The following PTDSS2 variants were observed in gnomAD, a reference collection of about 807,000 sequenced individuals.
The protein encoded by PTDSS2 is phosphatidylserine synthase 2.
PTDSS2 carries 41 observed loss-of-function variants against 64.7 expected under a neutral mutation model. The ratio of observed to expected loss-of-function variants is 0.63; its 90% CI spans 0.49 to 0.82. The LOEUF (loss-of-function observed/expected upper bound fraction) is 0.82. Among genes scored for constraint, PTDSS2 ranks in the 40% least tolerant of loss-of-function variants. PTDSS2 has a pLI of 0.00. For missense variants in PTDSS2, 485 were observed against 650.0 expected (o/e 0.75, Z 2.76); for synonymous variants, 297 against 277.8 (o/e 1.07, Z -0.69).
At chr11:477,761 C>T (rs891786553) in intron 3 of PTDSS2, among the ~76,000 whole-genome samples, 7 of 152,224 alleles carry the variant, frequency 4.6e-5, no homozygotes, top group East Asian at 1.9e-4. Flanking sequence ...CTTCAGTTGG[C>T]GAGCCCTTGT....
chr11:475,859 C>G (rs1203826761), intron 3 of PTDSS2, among the ~76,000 whole-genome samples: 1 of 152,138 alleles, frequency 6.6e-6, no homozygotes, highest in African/African-American at 2.4e-5. Flanking sequence ...TTTTAATAAA[C>G]TAGGCTGTGG....
intron 10 of PTDSS2, 32 bp downstream of exon 10, chr11:489,765 C>A (rs1411537551): frequency 1.3e-6 from 2 of 1,596,380 alleles, no homozygotes; most frequent in South Asian, 1.1e-5. Flanking sequence ...GTGGAGACAC[C>A]CCCGGGGGGC....
chr11:481,155 C>A (rs773187061), intron 4 of PTDSS2, among the ~76,000 whole-genome samples: 2 of 152,040 alleles, frequency 1.3e-5, no homozygotes, highest in African/African-American at 4.8e-5. Context: ...AGCCACCACG[C>A]GCGGCCTGGG....
chr11:466,779 C>T (rs1488274209), intron 2 of PTDSS2, among the ~76,000 whole-genome samples: 4 of 152,152 alleles, frequency 2.6e-5, no homozygotes, highest in African/African-American at 7.2e-5. Flanking sequence ...ATGGGGGAAC[C>T]GCCCCCATAA....
Position 464,065 on chromosome 11 carries a change from C to G in PTDSS2, c.284+3777C>G, listed in dbSNP as rs571022817. Among the ~76,000 whole-genome samples the G allele has an allele frequency of 6.8e-3, 1,033 of 151,892 alleles. 6 individuals carry two copies. The highest frequency in any genetic ancestry group is 0.012 in the Non-Finnish European group (802 of 67,966). On this transcript the variant is annotated intron_variant, in intron 2 of 11. Coordinates refer to ENST00000308020, the MANE Select transcript of PTDSS2 (RefSeq NM_030783.3). The stretch of plus-strand genomic sequence containing the variant: ...CAGTGGCGTGATGGCCCACTGCAAC[C>G]TTCACCTCCCAGGTTCAATCAGTTC...
upstream of PTDSS2, among the ~76,000 whole-genome samples, chr11:449,883 G>C (rs1000217948): frequency 6.6e-6 from 1 of 152,244 alleles, no homozygotes; most frequent in Admixed American, 6.5e-5. Flanking sequence ...GAGAGGCGGA[G>C]GTTGCAGTGA....
chr11:471,749 T>TGGCCTGGGGAGACGCGGATGGC lies in PTDSS2; in HGVS notation c.285-2137_285-2136insAGACGCGGATGGCGGCCTGGGG, dbSNP rs1564975221. Among the ~76,000 whole-genome samples, 424 of 92,452 alleles carry TGGCCTGGGGAGACGCGGATGGC rather than the reference T, an allele frequency of 4.6e-3. 11 individuals are homozygous for TGGCCTGGGGAGACGCGGATGGC. The highest frequency in any genetic ancestry group is 0.017 in the African/African-American group (407 of 23,470). The allele number at this position is 92,452 out of a possible 152,430, so 60.7% of individuals were successfully genotyped here. A position where few individuals can be genotyped will look rare whatever the true frequency, so the allele number is the denominator to read the frequency against. On this transcript the variant is annotated intron_variant, in intron 2 of 11. Transcript: ENST00000308020. ...TGGCGGCCTGGGGTGACGCAGATGG[T>TGGCCTGGGGAGACGCGGATGGC]GGCCTGGGGTGACGCGGATGGCGGC...
At position 468,981 on chromosome 11, in the gene PTDSS2, GTC is replaced by G. The variant is rs555992519; in HGVS notation, c.285-4910_285-4909del. Among the ~76,000 whole-genome samples the G allele has an allele frequency of 1.1e-3, 157 of 143,380 alleles. 1 individual carries two copies. The highest frequency in any genetic ancestry group is 7.5e-3 in the Middle Eastern group (2 of 268). The allele number at this position is 143,380 out of a possible 152,430, so 94.1% of individuals were successfully genotyped here. On this transcript the variant is annotated intron_variant, in intron 2 of 11. Transcript: ENST00000308020. The stretch of plus-strand genomic sequence containing the variant: ...GGTAATCGGAGGGAGGAGGAGGGGA[GTC>G]TCTGGGTAATCGGAAGGAGGAGGAG...
At chr11:453,819 A>T (rs948026784) in intron 1 of PTDSS2, among the ~76,000 whole-genome samples, 1 of 152,196 alleles carries the variant, frequency 6.6e-6, no homozygotes, top group South Asian at 2.1e-4. Context: ...TGGACATGAG[A>T]GTGACCATCT....
intron 3 of PTDSS2, among the ~76,000 whole-genome samples, chr11:478,518 G>A (rs1220087245): frequency 3.3e-5 from 5 of 151,922 alleles, no homozygotes; most frequent in East Asian, 1.9e-4. Context: ...AGGCTGAGGC[G>A]GGTGGACCAT....
At chr11:474,509 C>T (rs945921022) in intron 3 of PTDSS2, among the ~76,000 whole-genome samples, 1 of 152,128 alleles carries the variant, frequency 6.6e-6, no homozygotes, top group Non-Finnish European at 1.5e-5. Flanking sequence ...TGTGAGGTGC[C>T]GCCCACCCCC....
Position 490,051 on chromosome 11 carries a change from C to T in PTDSS2, c.1284C>T (p.Val428=), listed in dbSNP as rs760845086. Residue 428 remains valine, a synonymous_variant, in exon 11 of 12, where the codon GTC becomes GTT. Transcript: ENST00000308020. The part of the protein sequence containing the change: ...LGSVLALTWT[V]WRFFLRDITL... ...CCGTCCTGGCGCTCACCTGGACCGT[C>T]TGGCGCTTCTTCCTGCGGTGAGTCA... 11 of 1,608,454 alleles carry T rather than the reference C, an allele frequency of 6.8e-6. No homozygotes were observed. The South Asian group carries it at 1.2e-4, about 18-fold the overall frequency.
chr11:457,462 G>A (rs943187891), intron 1 of PTDSS2, among the ~76,000 whole-genome samples: 2 of 152,168 alleles, frequency 1.3e-5, no homozygotes, highest in African/African-American at 2.4e-5. Context: ...GGGATCTCAC[G>A]ATGTTCATGA....
chr11:460,627 C>T lies in PTDSS2; in HGVS notation c.284+339C>T, dbSNP rs1259019775. The T allele has an allele frequency of 4.3e-5, 10 of 233,894 alleles. No individual in the cohort carries two copies. Among genetic ancestry groups the T allele is most frequent in the Non-Finnish European group, 7.7e-5 (9 of 117,408 alleles). 14.5% of individuals were successfully genotyped at this position (233,894 alleles called of 1,614,324 possible). On this transcript the variant is annotated intron_variant, in intron 2 of 11. Coordinates refer to ENST00000308020, the MANE Select transcript of PTDSS2 (RefSeq NM_030783.3). This position sits in a 1 kb window ranked among gnomAD's most constrained non-coding sequence, Gnocchi z 5.8. ...ACAGGGCTGAGCCCTTGAGTTTGGG[C>T]GTCTCCGGGGGTGAGGTTCCTGCGG...
intron 1 of PTDSS2, among the ~76,000 whole-genome samples, chr11:455,689 C>T (rs1846556404): frequency 2.0e-5 from 3 of 152,246 alleles, no homozygotes; most frequent in African/African-American, 7.2e-5. Context: ...TTGCTATGGT[C>T]TCCGGAGATG....
intron 4 of PTDSS2, among the ~76,000 whole-genome samples, chr11:484,146 A>G (rs1315868376): frequency 6.6e-6 from 1 of 152,194 alleles, no homozygotes; most frequent in Non-Finnish European, 1.5e-5. Flanking sequence ...TTACACTTGC[A>G]TATTTATTTC....
At position 473,987 on chromosome 11, in the gene PTDSS2, C is replaced by A; in HGVS notation, c.367+10C>A. The A allele has an allele frequency of 2.5e-6, 4 of 1,609,302 alleles. No individual in the cohort carries two copies. The highest frequency in any genetic ancestry group is 3.4e-6 in the Non-Finnish European group (4 of 1,175,580). ...TCCAGACCTCATCCAGGTAACTTGC[C>A]ATTTCCTTTTCCGTGTGCCCCTGTG... is the stretch of plus-strand genomic sequence containing the variant. On this transcript the variant is annotated intron_variant, in intron 3 of 11. Transcript: ENST00000308020.
rs1419884446 is a variant in PTDSS2 at position 485,709 on chromosome 11, C to T, written c.436-1230C>T. Among the ~76,000 whole-genome samples the T allele has an allele frequency of 3.2e-5, 4 of 126,000 alleles. 1 individual carries two copies. Among genetic ancestry groups the T allele is most frequent in the South Asian group, 2.5e-4 (1 of 4,062 alleles). The allele number at this position is 126,000 out of a possible 152,430, so 82.7% of individuals were successfully genotyped here. Reference sequence around the variant, plus strand: ...GGCGCGTGTGTGCTCACTGCGCAGGCGAGTGTAAACTGCACGGGCGCGTGT... The same window carrying T: ...GGCGCGTGTGTGCTCACTGCGCAGGTGAGTGTAAACTGCACGGGCGCGTGT... On this transcript the variant is annotated intron_variant, in intron 4 of 11. Transcript: ENST00000308020.
chr11:485,129 ACT>A (rs1279742500), intron 4 of PTDSS2, among the ~76,000 whole-genome samples: 3 of 99,288 alleles, frequency 3.0e-5, no homozygotes, highest in African/African-American at 8.8e-5. Context: ...GCGTGTGCTC[ACT>A]GTGTGCGCAG....
Sources: gnomAD v4.1 joint callset for allele counts (sites outside exome capture counted in the v4.1 genomes callset) on GRCh38, gnomAD v4.1.1 for gene constraint, Gnocchi (gnomAD v3.1) non-coding constraint, MANE v1.5 for transcripts, NCBI Gene and HGNC (gene_info 2026-07-23, HGNC 2026-07-21) for gene names.